XPR1: variants seen among roughly 807,000 people sequenced by gnomAD.
XPR1 encodes xenotropic and polytropic retrovirus receptor 1.
A neutral mutation model predicts 87.5 loss-of-function variants in XPR1; 28 were observed. That is an observed-to-expected ratio of 0.32 (90% confidence interval 0.24 to 0.44). XPR1 has a LOEUF of 0.44. Among genes scored for constraint, XPR1 ranks in the 20% least tolerant of loss-of-function variants. The pLI is 1.00. For missense variants in XPR1, 559 were observed against 862.3 expected (o/e 0.65, Z 4.41); for synonymous variants, 300 against 306.1 (o/e 0.98, Z 0.21).
intron 7 of XPR1, among the ~76,000 whole-genome samples, chr1:180,814,451 C>T (rs1650331324): frequency 6.6e-6 from 1 of 152,176 alleles, no homozygotes. Context: ...AAAAGGCCTG[C>T]ATGGGTTTCA....
chr1:180,879,861 T>C (rs1652788500), intron 13 of XPR1, among the ~76,000 whole-genome samples: 2 of 152,170 alleles, frequency 1.3e-5, no homozygotes, highest in Non-Finnish European at 2.9e-5. Flanking sequence ...AAAACTGCAT[T>C]GCATAAGTCC....
chr1:180,832,851 T>C (rs185071267), intron 9 of XPR1, among the ~76,000 whole-genome samples: 2 of 152,308 alleles, frequency 1.3e-5, no homozygotes, highest in East Asian at 3.9e-4. Flanking sequence ...GTGGGCTCTT[T>C]TTTGGTTCCA....
chr1:180,864,006 A>G (rs1652302143), intron 12 of XPR1, 132 bp downstream of exon 12: 2 of 702,386 alleles, frequency 2.8e-6, no homozygotes, highest in Non-Finnish European at 4.0e-6. Context: ...CAAAAATACT[A>G]ATTCATTCGG....
chr1:180,639,287 GAA>G (rs563556717), intron 1 of XPR1, among the ~76,000 whole-genome samples: 221 of 142,490 alleles, frequency 1.6e-3, no homozygotes, highest in African/African-American at 5.4e-3. Flanking sequence ...GACACTGTCT[GAA>G]AAAAAAAAAC....
intron 1 of XPR1, among the ~76,000 whole-genome samples, chr1:180,671,537 T>A (rs530067505): frequency 1.7e-4 from 26 of 151,406 alleles, no homozygotes; most frequent in East Asian, 1.5e-3. Flanking sequence ...ATATATATAT[T>A]TTTTTGAGAC....
chr1:180,798,292 C>T lies in XPR1; in HGVS notation c.224-5096C>T, dbSNP rs559103948. Among the ~76,000 whole-genome samples the T allele has an allele frequency of 1.3e-3, 190 of 151,822 alleles. 1 individual carries two copies. The highest frequency in any genetic ancestry group is 4.4e-3 in the African/African-American group (184 of 41,442). On this transcript the variant is annotated intron_variant, in intron 3 of 14. Transcript: ENST00000367590. ...GATCTTTTACAAATGAAAATATAATCACGGAAGTTAGTATCTTAATAGATC... is the reference window on the plus strand; with the variant it reads ...GATCTTTTACAAATGAAAATATAATTACGGAAGTTAGTATCTTAATAGATC...
At chr1:180,721,610 A>G (rs1658182296) in intron 2 of XPR1, among the ~76,000 whole-genome samples, 1 of 152,208 alleles carries the variant, frequency 6.6e-6, no homozygotes, top group Admixed American at 6.5e-5. Context: ...ATTTTGTTAT[A>G]CAGTTGACCC....
intron 2 of XPR1, among the ~76,000 whole-genome samples, chr1:180,708,909 T>TGGGGGGGGG (rs34223946): frequency 4.2e-5 from 1 of 23,740 alleles, no homozygotes. Flanking sequence ...TTTTTTTTTT[T>TGGGGGGGGG]GGGGGGGGGG....
At chr1:180,699,304 G>A (rs1306720391) in intron 2 of XPR1, among the ~76,000 whole-genome samples, 9 of 121,122 alleles carry the variant, frequency 7.4e-5, no homozygotes, top group Non-Finnish European at 1.2e-4. Context: ...ATGCTGGTGC[G>A]CTGCACCCAC....
chr1:180,678,207 T>C (rs1184691515), intron 1 of XPR1, among the ~76,000 whole-genome samples: 5 of 152,242 alleles, frequency 3.3e-5, no homozygotes, highest in African/African-American at 1.2e-4. Context: ...AGGGTTTTTA[T>C]GGTGGTTTCA....
intron 1 of XPR1, among the ~76,000 whole-genome samples, chr1:180,633,862 A>G (rs1654679547): frequency 6.6e-6 from 1 of 152,216 alleles, no homozygotes; most frequent in Non-Finnish European, 1.5e-5. Context: ...AGTTCTTCAC[A>G]GAGGCACAGG....
chr1:180,632,642 C>T (rs1654628128), intron 1 of XPR1, among the ~76,000 whole-genome samples: 3 of 152,242 alleles, frequency 2.0e-5, no homozygotes, highest in African/African-American at 7.2e-5. Context: ...CCCCACTCGC[C>T]CTGACCTCTC....
At chr1:180,656,696 ATT>A (rs1242761357) in intron 1 of XPR1, among the ~76,000 whole-genome samples, 1 of 130,058 alleles carries the variant, frequency 7.7e-6, no homozygotes, top group African/African-American at 2.8e-5. Context: ...ATATATATGT[ATT>A]TTATATATAT....
intron 2 of XPR1, among the ~76,000 whole-genome samples, chr1:180,773,920 C>T (rs1328070303): frequency 6.6e-6 from 1 of 152,142 alleles, no homozygotes; most frequent in African/African-American, 2.4e-5. Flanking sequence ...TACCACTTGT[C>T]CAGATCTTCT....
At chr1:180,729,029 G>T (rs1327075434) in intron 2 of XPR1, among the ~76,000 whole-genome samples, 1 of 152,016 alleles carries the variant, frequency 6.6e-6, no homozygotes, top group Non-Finnish European at 1.5e-5. Context: ...AGTGTTTGTT[G>T]TTTTCTTTGT....
intron 1 of XPR1, among the ~76,000 whole-genome samples, chr1:180,652,082 C>T (rs747224844): frequency 1.3e-5 from 2 of 151,972 alleles, no homozygotes; most frequent in East Asian, 1.9e-4. Context: ...ACATGAGGTC[C>T]GGAGTTTGAG....
At chr1:180,660,128 C>G (rs576739315) in intron 1 of XPR1, among the ~76,000 whole-genome samples, 4 of 152,170 alleles carry the variant, frequency 2.6e-5, no homozygotes, top group African/African-American at 9.6e-5. Context: ...TATCCATTTT[C>G]TCTAGATTTT....
chr1:180,760,899 T>C (rs1571809556), intron 2 of XPR1, among the ~76,000 whole-genome samples: 1 of 152,272 alleles, frequency 6.6e-6, no homozygotes, highest in East Asian at 1.9e-4. Flanking sequence ...AACAGCATGG[T>C]ACTGGTACCA....
At chr1:180,826,022 C>G (rs1650821262) in intron 9 of XPR1, among the ~76,000 whole-genome samples, 1 of 151,984 alleles carries the variant, frequency 6.6e-6, no homozygotes, top group South Asian at 2.1e-4. Flanking sequence ...TGCATTCCAG[C>G]CTGGGCAACA....
Sources: gnomAD v4.1 joint callset for allele counts (sites outside exome capture counted in the v4.1 genomes callset) on GRCh38, gnomAD v4.1.1 for gene constraint, MANE v1.5 for transcripts, NCBI Gene and HGNC (gene_info 2026-07-23, HGNC 2026-07-21) for gene names.